BRWD3: variants seen among roughly 807,000 people sequenced by gnomAD.
The protein encoded by BRWD3 is bromodomain and WD repeat-containing protein 3.
In BRWD3, 10 loss-of-function variants were observed where a neutral mutation model predicts 149.7. The observed-to-expected ratio is 0.07, with a 90% CI of 0.04 to 0.11. BRWD3 has a LOEUF of 0.11. Ranked by LOEUF, BRWD3 falls within the 10% of genes least tolerant of loss-of-function variation. The probability of loss-of-function intolerance (pLI) is 1.00; values close to 1 mark genes in which losing one functional copy is unlikely to be tolerated. For synonymous variants in BRWD3, 504 were observed against 456.7 expected (o/e 1.10, Z -1.32); for missense variants, 940 against 1,373.2 (o/e 0.68, Z 4.99).
At position 80,771,917 on chromosome X, in the gene BRWD3, G is replaced by T. The variant is rs143326764; in HGVS notation, c.430+19937C>A. 7.3e-3 allele frequency among the ~76,000 whole-genome samples: 814 copies of T among 111,729 alleles called. 9 individuals carry two copies. Among genetic ancestry groups the T allele is most frequent in the African/African-American group, 0.025 (768 of 30,718 alleles). On this transcript the variant is annotated intron_variant, in intron 6 of 40. Coordinates refer to ENST00000373275, the MANE Select transcript of BRWD3 (RefSeq NM_153252.5). ...GAAATGCAAATCAAAACCACAGTGA[G>T]ATACCATCTCACACCAGTTAGAATG...
intron 21 of BRWD3, among the ~76,000 whole-genome samples, chrX:80,707,910 C>T (rs139370690): frequency 6.3e-5 from 7 of 111,264 alleles, no homozygotes; most frequent in Admixed American, 4.8e-4. Flanking sequence ...AATAGATAAC[C>T]CGTGTACACA....
intron 40 of BRWD3, among the ~76,000 whole-genome samples, chrX:80,679,664 T>G (rs192906428): frequency 5.3e-4 from 59 of 110,807 alleles, no homozygotes; most frequent in Middle Eastern, 4.7e-3. Flanking sequence ...AGCTAATCAA[T>G]AGAGTATAGA....
Position 80,809,735 on chromosome X carries a change from GAAGA to G in BRWD3, c.-268_-265del, listed in dbSNP as rs1192297214. 4.0e-5 allele frequency: 4 copies of G among 101,261 alleles called. No individual in the cohort carries two copies. Among genetic ancestry groups the G allele is most frequent in the South Asian group, 2.6e-4 (1 of 3,793 alleles). The allele number at this position is 101,261 out of a possible 1,213,427, so 8.3% of individuals were successfully genotyped here. A position where few individuals can be genotyped will look rare whatever the true frequency, so the allele number is the denominator to read the frequency against. ...AGTGAGTGAGTGAGAGAGAGAGAGA[GAAGA>G]GAGAGAGAGAGAGAGGAAAAAGAGA... On this transcript the variant is annotated 5_prime_UTR_variant, in exon 1 of 41. Coordinates refer to ENST00000373275, the MANE Select transcript of BRWD3 (RefSeq NM_153252.5).
At chrX:80,712,510 T>G (rs776554966) in intron 20 of BRWD3, among the ~76,000 whole-genome samples, 1 of 110,355 alleles carries the variant, frequency 9.1e-6, no homozygotes, top group African/African-American at 3.3e-5. Flanking sequence ...AACCTCCACC[T>G]CCCAGCCGCC....
intron 6 of BRWD3, among the ~76,000 whole-genome samples, chrX:80,762,503 C>T (rs772011607): frequency 2.5e-4 from 27 of 109,627 alleles, no homozygotes; most frequent in Non-Finnish European, 5.1e-4. Context: ...TGAACTCCTC[C>T]TCATTTTTCT....
chrX:80,766,993 C>G (rs369469570), intron 6 of BRWD3, among the ~76,000 whole-genome samples: 2 of 112,614 alleles, frequency 1.8e-5, no homozygotes, highest in East Asian at 2.8e-4. Context: ...CCAAGCCCAC[C>G]AAGCCTTGCT....
At position 80,670,411 on chromosome X, in the gene BRWD3, G is replaced by C. The variant is rs1372293439; in HGVS notation, c.*6198C>G. Among the ~76,000 whole-genome samples, 1 of 110,118 alleles carries C rather than the reference G, an allele frequency of 9.1e-6. No homozygotes were observed. The highest frequency in any genetic ancestry group is 9.7e-5 in the Admixed American group (1 of 10,285). Reference sequence around the variant, plus strand: ...GAACATATAATTGAGAGAGGATGGAGAGCACCTTTTTCTTGACCTTCTCAA... The same window carrying C: ...GAACATATAATTGAGAGAGGATGGACAGCACCTTTTTCTTGACCTTCTCAA... On this transcript the variant is annotated 3_prime_UTR_variant, in exon 41 of 41. Transcript: ENST00000373275.
rs199899212 is a variant in BRWD3, at chrX:80,681,961, G to A, written c.4495+36C>T. The A allele has an allele frequency of 7.1e-5, 76 of 1,067,462 alleles. No individual in the cohort carries two copies. The African/African-American group carries it at 1.2e-3, about 16-fold the overall frequency. The allele number at this position is 1,067,462 out of a possible 1,213,427, so 88.0% of individuals were successfully genotyped here. On this transcript the variant is annotated intron_variant, in intron 39 of 40. Transcript: ENST00000373275. ...ATATCCTTAATATCAGAATTAAACCGAGATGCAGAACACCAAAAACAAAAG... is the reference window on the plus strand; with the variant it reads ...ATATCCTTAATATCAGAATTAAACCAAGATGCAGAACACCAAAAACAAAAG...
At chrX:80,710,095 GA>G in intron 20 of BRWD3, 3 of 758,636 alleles carry the variant, frequency 4.0e-6, no homozygotes, top group Non-Finnish European at 6.2e-6. Context: ...CAGCTCATCA[GA>G]AAAAAATTCT....
intron 21 of BRWD3, among the ~76,000 whole-genome samples, chrX:80,708,763 C>T (rs1462078479): frequency 9.1e-6 from 1 of 109,340 alleles, no homozygotes; most frequent in Admixed American, 9.7e-5. Flanking sequence ...TTGCAGTGAG[C>T]CAAGTACGTG....
intron 6 of BRWD3, among the ~76,000 whole-genome samples, chrX:80,778,657 G>A (rs748200558): frequency 8.9e-6 from 1 of 112,235 alleles, no homozygotes. Context: ...CCTTGGATTC[G>A]TATTTTCTCT....
intron 6 of BRWD3, among the ~76,000 whole-genome samples, chrX:80,790,500 T>C (rs1365870487): frequency 9.0e-6 from 1 of 111,579 alleles, no homozygotes; most frequent in Non-Finnish European, 1.9e-5. Context: ...TTAAAATGAA[T>C]TTAAAAACAT....
chrX:80,682,012 G>A lies in BRWD3; in HGVS notation c.4480C>T (p.Pro1494Ser). ...TSVSHARTSS[P>S]FSSPVSDAAE... ...ACATATTTACCAGGAGATGAGAAAG[G>A]AGAGCTAGTCCTGGCATGAGATACT... Residue 1494 changes from proline to serine, a missense_variant, in exon 39 of 41, where the codon CCT becomes TCT. Coordinates refer to ENST00000373275, the MANE Select transcript of BRWD3 (RefSeq NM_153252.5). 1 of 1,205,755 alleles carries A rather than the reference G, an allele frequency of 8.3e-7. No individual in the cohort carries two copies. The highest frequency in any genetic ancestry group is 3.0e-5 in the East Asian group (1 of 33,746).
In BRWD3 at chrX:80,777,348, C is replaced by T. The variant is rs1295503005; in HGVS notation, c.430+14506G>A. Among the ~76,000 whole-genome samples, 4 of 111,419 alleles carry T rather than the reference C, an allele frequency of 3.6e-5. No homozygotes were observed. In the East Asian group the frequency reaches 1.1e-3, roughly 31 times the overall value. The stretch of plus-strand genomic sequence containing the variant: ...GGGAAAGAGTTTATCATCAAATTGG[C>T]ACCAAGTTCAGATAAAACTAGAAGT... On this transcript the variant is annotated intron_variant, in intron 6 of 40. Coordinates refer to ENST00000373275, the MANE Select transcript of BRWD3 (RefSeq NM_153252.5).
At chrX:80,769,232 A>G (rs1047039736) in intron 6 of BRWD3, among the ~76,000 whole-genome samples, 4 of 111,418 alleles carry the variant, frequency 3.6e-5, no homozygotes, top group Non-Finnish European at 1.9e-5. Context: ...CAGCTCTGCA[A>G]CAAGCAGACC....
chrX:80,790,950 A>G (rs1464828762), intron 6 of BRWD3, among the ~76,000 whole-genome samples: 1 of 111,926 alleles, frequency 8.9e-6, no homozygotes, highest in Non-Finnish European at 1.9e-5. Flanking sequence ...AACTTTTCCA[A>G]GTAACATCCA....
chrX:80,798,640 GTATAA>G (rs1275372342), intron 4 of BRWD3, among the ~76,000 whole-genome samples: 2 of 109,175 alleles, frequency 1.8e-5, no homozygotes, highest in Non-Finnish European at 3.8e-5. Context: ...AAAAAAAAGA[GTATAA>G]TATAAGGCCA....
chrX:80,725,874 ATG>A (rs1475911723), intron 14 of BRWD3, among the ~76,000 whole-genome samples: 1 of 108,923 alleles, frequency 9.2e-6, no homozygotes, highest in Non-Finnish European at 1.9e-5. Context: ...ACATGTTTAC[ATG>A]TGTTACATGC....
intron 6 of BRWD3, among the ~76,000 whole-genome samples, chrX:80,751,925 A>G (rs1256122832): frequency 9.1e-6 from 1 of 109,727 alleles, no homozygotes; most frequent in Non-Finnish European, 1.9e-5. Context: ...GCTGAATAGT[A>G]CTTGATTATG....
Sources: gnomAD v4.1 joint callset for allele counts (sites outside exome capture counted in the v4.1 genomes callset) on GRCh38, gnomAD v4.1.1 for gene constraint, MANE v1.5 for transcripts, NCBI Gene and HGNC (gene_info 2026-07-23, HGNC 2026-07-21) for gene names.